Variants in OTOGL observed in about 807,000 individuals in gnomAD.
OTOGL encodes the protein otogelin-like protein.
OTOGL carries 285 observed loss-of-function variants against 318.5 expected under a neutral mutation model. The observed-to-expected ratio is 0.89, with a 90% CI of 0.81 to 0.99. The LOEUF (loss-of-function observed/expected upper bound fraction) is 0.99, where lower values mean the gene tolerates loss of function less well. Among genes scored for constraint, OTOGL ranks in the 50% least tolerant of loss-of-function variants. The pLI is 0.00. For missense variants in OTOGL, 2,899 were observed against 2,845.6 expected (o/e 1.02, Z -0.43); for synonymous variants, 987 against 936.5 (o/e 1.05, Z -0.99).
At position 80,352,290 on chromosome 12, in the gene OTOGL, T is replaced by C; in HGVS notation, c.5266-5T>C. ...AACTTATTTCAAGGCAAAATGTTTC[T>C]CTAGGTTTCACCGGAAGACTTTTGT... On this transcript the variant is annotated splice_region_variant and splice_polypyrimidine_tract_variant and intron_variant, in intron 44 of 58. Transcript: ENST00000547103. The C allele has an allele frequency of 1.2e-6, 2 of 1,605,626 alleles. No individual in the cohort carries two copies. The highest frequency in any genetic ancestry group is 1.7e-6 in the Non-Finnish European group (2 of 1,177,026).
At chr12:80,241,707 G>A (rs1268220063) in intron 11 of OTOGL, among the ~76,000 whole-genome samples, 2 of 152,098 alleles carry the variant, frequency 1.3e-5, no homozygotes, top group East Asian at 1.9e-4. Context: ...TTGTTTAGCC[G>A]CTTCAACAGC....
At chr12:80,335,905 A>G (rs1888360664) in intron 38 of OTOGL, 58 bp from the exon 39 acceptor site, 1 of 1,400,988 alleles carries the variant, frequency 7.1e-7, no homozygotes, top group African/African-American at 1.5e-5. Context: ...GAATTTAAAA[A>G]TCAATTAAAA....
chr12:80,216,659 G>A (rs1877752821), intron 4 of OTOGL, among the ~76,000 whole-genome samples: 2 of 152,110 alleles, frequency 1.3e-5, no homozygotes, highest in Non-Finnish European at 2.9e-5. Context: ...TATACAACGA[G>A]GGAAGTGCCA....
intron 1 of OTOGL, among the ~76,000 whole-genome samples, chr12:80,149,378 C>CCAGGGGT (rs1258627605): frequency 6.6e-6 from 1 of 152,030 alleles, no homozygotes; most frequent in Non-Finnish European, 1.5e-5. Context: ...GGGTCGGGGG[C>CCAGGGGT]CAGGGGTCAG....
chr12:80,207,858 G>A (rs1180817161), intron 1 of OTOGL, among the ~76,000 whole-genome samples: 1 of 152,020 alleles, frequency 6.6e-6, no homozygotes, highest in African/African-American at 2.4e-5. Flanking sequence ...TTATAGTTTT[G>A]CCTGTGGTTG....
intron 1 of OTOGL, among the ~76,000 whole-genome samples, chr12:80,102,566 A>G (rs1247551606): frequency 6.6e-6 from 1 of 152,124 alleles, no homozygotes; most frequent in African/African-American, 2.4e-5. Context: ...TCACCCCTCT[A>G]GTTGTAGATA....
At chr12:80,365,767 A>C (rs1394149779) in intron 52 of OTOGL, among the ~76,000 whole-genome samples, 1 of 152,166 alleles carries the variant, frequency 6.6e-6, no homozygotes, top group Non-Finnish European at 1.5e-5. Flanking sequence ...TATGAGGAAA[A>C]ATGCCTTTTA....
At chr12:80,151,455 C>A (rs565629543) in intron 1 of OTOGL, among the ~76,000 whole-genome samples, 1 of 152,234 alleles carries the variant, frequency 6.6e-6, no homozygotes. Flanking sequence ...CACATACTTA[C>A]AAGCTCATGG....
chr12:80,328,996 G>A lies in OTOGL; in HGVS notation c.4280-55G>A, dbSNP rs1887892434. 1.4e-5 allele frequency: 20 copies of A among 1,445,934 alleles called. No homozygotes were observed. In the South Asian group the frequency reaches 2.6e-4, roughly 19 times the overall value. 89.6% of individuals were successfully genotyped at this position (1,445,934 alleles called of 1,614,324 possible). A position where few individuals can be genotyped will look rare whatever the true frequency, so the allele number is the denominator to read the frequency against. ...CTAAAGAGTCCTCTATGAAATATGTGGGTCTAATTTTATGCAAATACAGTT... is the reference window on the plus strand; with the variant it reads ...CTAAAGAGTCCTCTATGAAATATGTAGGTCTAATTTTATGCAAATACAGTT... On this transcript the variant is annotated intron_variant, in intron 36 of 58. Coordinates refer to ENST00000547103, the MANE Select transcript of OTOGL (RefSeq NM_001378609.3).
intron 11 of OTOGL, among the ~76,000 whole-genome samples, chr12:80,244,117 G>T (rs957319326): frequency 1.3e-5 from 2 of 150,532 alleles, no homozygotes; most frequent in African/African-American, 4.9e-5. Flanking sequence ...TGCCACTAAT[G>T]ATGGTATCTA....
chr12:80,140,110 C>A (rs541247575), intron 1 of OTOGL, among the ~76,000 whole-genome samples: 2 of 152,244 alleles, frequency 1.3e-5, no homozygotes, highest in East Asian at 3.9e-4. Flanking sequence ...ACCTGCCTTG[C>A]CTCTCCCCTT....
chr12:80,163,084 G>A (rs7303804), intron 1 of OTOGL, among the ~76,000 whole-genome samples: 38,897 of 151,786 alleles, frequency 0.26, 5,509 homozygotes, highest in South Asian at 0.33. Flanking sequence ...GTCAGTAAAA[G>A]CAATAACTTT....
At chr12:80,308,895 G>T (rs947995238) in intron 29 of OTOGL, among the ~76,000 whole-genome samples, 3 of 152,186 alleles carry the variant, frequency 2.0e-5, no homozygotes, top group Non-Finnish European at 4.4e-5. Context: ...CAGGGAGGTT[G>T]CAGTGAGCCG....
chr12:80,119,709 A>G (rs1292004726), intron 1 of OTOGL, among the ~76,000 whole-genome samples: 1 of 152,138 alleles, frequency 6.6e-6, no homozygotes, highest in Non-Finnish European at 1.5e-5. Context: ...AGTGAGTTTC[A>G]TAAAGGCAGA....
chr12:80,225,561 C>T (rs1878757852), intron 7 of OTOGL, among the ~76,000 whole-genome samples: 1 of 152,096 alleles, frequency 6.6e-6, no homozygotes, highest in Non-Finnish European at 1.5e-5. Context: ...AAAATTATCA[C>T]TTAAGAGTTA....
intron 1 of OTOGL, among the ~76,000 whole-genome samples, chr12:80,146,738 C>T (rs980123104): frequency 6.6e-6 from 1 of 151,734 alleles, no homozygotes; most frequent in African/African-American, 2.4e-5. Flanking sequence ...ATTTCAGCTC[C>T]TGTTATTGGT....
intron 1 of OTOGL, among the ~76,000 whole-genome samples, chr12:80,170,199 G>GTGTGTGTGTGTATGTA (rs1874099626): frequency 7.0e-5 from 8 of 115,068 alleles, no homozygotes; most frequent in Admixed American, 5.3e-4. Flanking sequence ...GTGTGTGTGT[G>GTGTGTGTGTGTATGTA]TGTGTGTGTG....
intron 24 of OTOGL, 97 bp downstream of exon 24, chr12:80,271,907 T>A: frequency 2.2e-6 from 3 of 1,390,342 alleles, no homozygotes. Flanking sequence ...GAATTGTTGT[T>A]CTGACTAGTG....
At chr12:80,176,301 A>C (rs997448239) in intron 1 of OTOGL, among the ~76,000 whole-genome samples, 2 of 152,186 alleles carry the variant, frequency 1.3e-5, no homozygotes, top group African/African-American at 2.4e-5. Context: ...CAAATTTAAC[A>C]TCTGTACAAC....
Sources: allele counts gnomAD v4.1 joint callset (sites outside exome capture counted in the v4.1 genomes callset), GRCh38; gene constraint gnomAD v4.1.1; transcripts MANE v1.5; gene names NCBI Gene and HGNC (gene_info 2026-07-23, HGNC 2026-07-21).